HCN4: variants seen among roughly 807,000 people sequenced by gnomAD.
HCN4 encodes the protein potassium/sodium hyperpolarization-activated cyclic nucleotide-gated channel 4.
A neutral mutation model predicts 76.9 loss-of-function variants in HCN4; 29 were observed. That is an observed-to-expected ratio of 0.38 (90% CI 0.28 to 0.51). HCN4 has a LOEUF of 0.51. Ranked by LOEUF, HCN4 falls within the 20% of genes least tolerant of loss-of-function variation. The probability of loss-of-function intolerance (pLI) is 0.90; values close to 1 mark genes in which losing one functional copy is unlikely to be tolerated. For missense variants in HCN4, 1,416 were observed against 1,715.2 expected (o/e 0.83, Z 3.08); for synonymous variants, 772 against 762.5 (o/e 1.01, Z -0.21).
At chr15:73,336,716 C>A (rs1455196841) in intron 2 of HCN4, among the ~76,000 whole-genome samples, 1 of 152,114 alleles carries the variant, frequency 6.6e-6, no homozygotes, top group Non-Finnish European at 1.5e-5. Flanking sequence ...CATTTACTTC[C>A]CTCCAATCCC....
intron 1 of HCN4, among the ~76,000 whole-genome samples, chr15:73,346,537 C>A (rs2043030688): frequency 6.6e-6 from 1 of 152,070 alleles, no homozygotes; most frequent in Non-Finnish European, 1.5e-5. Flanking sequence ...TGTAATAGAC[C>A]CAGGAAAGCC....
rs1169933669 is a variant in HCN4 at position 73,322,546 on chromosome 15, C to T, written c.3547G>A (p.Gly1183Arg). The T allele has an allele frequency of 3.1e-6, 5 of 1,606,354 alleles. No homozygotes were observed. The highest frequency in any genetic ancestry group is 4.2e-6 in the Non-Finnish European group (5 of 1,176,718). ...TSSGGPPLTAGPQREPGARPE... is the reference protein window; with the variant it reads ...TSSGGPPLTARPQREPGARPE... ...CTGGCCCCAGGTTCCCTCTGGGGTCCAGCAGTCAGAGGGGGCCCCCCAGAA... is the reference window on the plus strand; with the variant it reads ...CTGGCCCCAGGTTCCCTCTGGGGTCTAGCAGTCAGAGGGGGCCCCCCAGAA... The change falls in exon 8 of 8, where the codon GGA (glycine) becomes AGA (arginine). Residue 1183 changes from glycine to arginine, a missense_variant. Physicochemically the swap from Gly to Arg is moderately radical, Grantham distance 125 (BLOSUM62 -2). Transcript: ENST00000261917.
chr15:73,368,392 C>G lies in HCN4; in HGVS notation c.-122G>C, dbSNP rs2043140848. ...GCGTCCTTTGCCGCCGGCGTGGGGG[C>G]AGCCTCAGGCGCCCATGCTTGGGCA... On this transcript the variant is annotated 5_prime_UTR_variant, in exon 1 of 8. Transcript: ENST00000261917. The surrounding 1 kb of genome is among the most constrained non-coding windows in gnomAD (Gnocchi z 6.9). 1 of 586,282 alleles carries G rather than the reference C, an allele frequency of 1.7e-6. No individual in the cohort carries two copies. The highest frequency in any genetic ancestry group is 2.6e-6 in the Non-Finnish European group (1 of 389,112). 36.3% of individuals were successfully genotyped at this position (586,282 alleles called of 1,614,324 possible). A position where few individuals can be genotyped will look rare whatever the true frequency, so the allele number is the denominator to read the frequency against.
chr15:73,333,653 T>C (rs1021991068), intron 2 of HCN4, among the ~76,000 whole-genome samples: 1 of 152,298 alleles, frequency 6.6e-6, no homozygotes, highest in East Asian at 1.9e-4. Flanking sequence ...TGGGAGTCTT[T>C]CCAGGATGAA....
chr15:73,348,242 G>A (rs1042398889), intron 1 of HCN4, among the ~76,000 whole-genome samples: 2 of 152,214 alleles, frequency 1.3e-5, no homozygotes, highest in African/African-American at 2.4e-5. Context: ...AAGAGGATGG[G>A]AAGGGTGACA....
chr15:73,360,559 C>CT (rs2043100639), intron 1 of HCN4, among the ~76,000 whole-genome samples: 1 of 152,132 alleles, frequency 6.6e-6, no homozygotes, highest in Non-Finnish European at 1.5e-5. Flanking sequence ...TTTTTAAACA[C>CT]TAACATAAAA....
chr15:73,320,978 T>G lies in HCN4; in HGVS notation c.*1503A>C, dbSNP rs181626404. Reference sequence around the variant, plus strand: ...CTCCCTGGGCTCTCACATAGTTTGCTGGAGCAATAGGCTGGGCATATGAGG... The same window carrying G: ...CTCCCTGGGCTCTCACATAGTTTGCGGGAGCAATAGGCTGGGCATATGAGG... On this transcript the variant is annotated 3_prime_UTR_variant, in exon 8 of 8. Coordinates refer to ENST00000261917, the MANE Select transcript of HCN4 (RefSeq NM_005477.3). The G allele has an allele frequency of 6.6e-6, 1 of 152,348 alleles. No individual in the cohort carries two copies. Among genetic ancestry groups the G allele is most frequent in the Admixed American group, 6.5e-5 (1 of 15,296 alleles). 9.4% of individuals were successfully genotyped at this position (152,348 alleles called of 1,614,324 possible).
intron 4 of HCN4, among the ~76,000 whole-genome samples, chr15:73,329,007 G>T (rs1233806113): frequency 7.9e-5 from 12 of 152,184 alleles, no homozygotes; most frequent in Non-Finnish European, 1.2e-4. Flanking sequence ...GAGAGATGAG[G>T]TGGGGCTGCT....
At position 73,327,286 on chromosome 15, in the gene HCN4, C is replaced by T. The variant is rs368910083; in HGVS notation, c.1591-1842G>A. Among the ~76,000 whole-genome samples the T allele has an allele frequency of 1.5e-4, 23 of 151,418 alleles. 1 individual carries two copies. The East Asian group carries it at 3.9e-3, about 26-fold the overall frequency. On this transcript the variant is annotated intron_variant, in intron 4 of 7. Coordinates refer to ENST00000261917, the MANE Select transcript of HCN4 (RefSeq NM_005477.3). ...CCACGCCCAGCTAATTTTTTTTTTA[C>T]TTTTAGTAGGGATGAAGTTTCACCA...
At chr15:73,363,097 C>T (rs2043112978) in intron 1 of HCN4, among the ~76,000 whole-genome samples, 1 of 152,228 alleles carries the variant, frequency 6.6e-6, no homozygotes, top group Admixed American at 6.5e-5. Flanking sequence ...CAACTAGGCA[C>T]CCTTCCCCCT....
In HCN4 at chr15:73,326,797, T is replaced by TTTA. The variant is rs1567772760; in HGVS notation, c.1591-1354_1591-1353insTAA. ...TATTTATTTATTTATTTATTTATTT[T>TTTA]TTTTGTTAAGACAGGGTCTCGTTGT... On this transcript the variant is annotated intron_variant, in intron 4 of 7. Coordinates refer to ENST00000261917, the MANE Select transcript of HCN4 (RefSeq NM_005477.3). Among the ~76,000 whole-genome samples, 1,094 of 149,328 alleles carry TTTA rather than the reference T, an allele frequency of 7.3e-3. 15 individuals carry two copies. The highest frequency in any genetic ancestry group is 0.025 in the African/African-American group (1,010 of 40,034).
chr15:73,320,046 G>C lies in HCN4; in HGVS notation c.*2435C>G, dbSNP rs1036537994. ...GAGCTATTATAAAATGCATGTGTGT[G>C]TAAGTAGAGAAGAGGGTGGTTAGGC... On this transcript the variant is annotated 3_prime_UTR_variant, in exon 8 of 8. Coordinates refer to ENST00000261917, the MANE Select transcript of HCN4 (RefSeq NM_005477.3). 1 of 152,324 alleles carries C rather than the reference G, an allele frequency of 6.6e-6. No homozygotes were observed. Among genetic ancestry groups the C allele is most frequent in the African/African-American group, 2.4e-5 (1 of 41,424 alleles). The allele number at this position is 152,324 out of a possible 1,614,324, so 9.4% of individuals were successfully genotyped here. A position where few individuals can be genotyped will look rare whatever the true frequency, so the allele number is the denominator to read the frequency against.
rs189464256 is a variant in HCN4, at chr15:73,339,257, G to A, written c.1209+4128C>T. Among the ~76,000 whole-genome samples the A allele has an allele frequency of 2.0e-4, 31 of 152,294 alleles. No homozygotes were observed. In the East Asian group the frequency reaches 5.0e-3, roughly 25 times the overall value. ...GGGAGGGAGTCTGCTGACCCAGATC[G>A]CCCAGGATGGAGGCAAGAGGCTTGC... On this transcript the variant is annotated intron_variant, in intron 2 of 7. Transcript: ENST00000261917.
At chr15:73,352,531 G>A (rs192659571) in intron 1 of HCN4, among the ~76,000 whole-genome samples, 1 of 152,316 alleles carries the variant, frequency 6.6e-6, no homozygotes, top group Non-Finnish European at 1.5e-5. Flanking sequence ...AAGAAACAGG[G>A]GGCCTGGGGT....
At chr15:73,331,825 T>G (rs1332088523) in intron 3 of HCN4, among the ~76,000 whole-genome samples, 1 of 152,106 alleles carries the variant, frequency 6.6e-6, no homozygotes, top group African/African-American at 2.4e-5. Context: ...TTGCCATGCC[T>G]GGGGGAGGCC....
At position 73,332,307 on chromosome 15, in the gene HCN4, G is replaced by A. The variant is rs1262682434; in HGVS notation, c.1210-15C>T. 1.2e-6 allele frequency: 2 copies of A among 1,614,086 alleles called. No homozygotes were observed. The highest frequency in any genetic ancestry group is 1.1e-5 in the South Asian group (1 of 91,084). ...ATGTGGAAGATCTGCCAGCAGAGGAGGAGAAATTGGCTGGGATAGGTGAGT... is the reference window on the plus strand; with the variant it reads ...ATGTGGAAGATCTGCCAGCAGAGGAAGAGAAATTGGCTGGGATAGGTGAGT... On this transcript the variant is annotated splice_polypyrimidine_tract_variant and intron_variant, in intron 2 of 7. Transcript: ENST00000261917.
Position 73,325,494 on chromosome 15 carries a change from G to A in HCN4, c.1591-50C>T, listed in dbSNP as rs2042894091. The A allele has an allele frequency of 1.2e-6, 2 of 1,602,946 alleles. No individual in the cohort carries two copies. Among genetic ancestry groups the A allele is most frequent in the Admixed American group, 1.7e-5 (1 of 59,972 alleles). ...AGCTCCACCCCACCAGGGGGCGTCA[G>A]CAGCCAGCCCCACCACCTCGGCAGG... On this transcript the variant is annotated intron_variant, in intron 4 of 7. Transcript: ENST00000261917. The surrounding 1 kb of genome is among the most constrained non-coding windows in gnomAD (Gnocchi z 7.4).
chr15:73,349,109 T>C (rs1275808711), intron 1 of HCN4, among the ~76,000 whole-genome samples: 1 of 151,810 alleles, frequency 6.6e-6, no homozygotes, highest in Non-Finnish European at 1.5e-5. Flanking sequence ...TCTGCATCTG[T>C]CTCTCAGCTG....
intron 4 of HCN4, among the ~76,000 whole-genome samples, chr15:73,327,095 G>A (rs985304881): frequency 6.7e-6 from 1 of 148,766 alleles, no homozygotes; most frequent in Non-Finnish European, 1.5e-5. Flanking sequence ...CCTCCCAGAC[G>A]CTTTTTCTTT....
Sources: allele counts gnomAD v4.1 joint callset (sites outside exome capture counted in the v4.1 genomes callset), GRCh38; gene constraint gnomAD v4.1.1; non-coding constraint Gnocchi (gnomAD v3.1); transcripts MANE v1.5; gene names NCBI Gene and HGNC (gene_info 2026-07-23, HGNC 2026-07-21).